The following HELZ variants were observed in gnomAD, a reference collection of about 807,000 sequenced individuals.
HELZ encodes the protein helicase with zinc finger, also known as ATP-dependent RNA helicase with zinc finger domain.
A neutral mutation model predicts 218.2 loss-of-function variants in HELZ; 23 were observed. That is an observed-to-expected ratio of 0.11 (90% CI 0.08 to 0.15). The LOEUF is 0.15. HELZ is among the 10% of genes least tolerant of loss of function. HELZ has a pLI of 1.00. For synonymous variants in HELZ, 814 were observed against 829.4 expected, an observed-to-expected ratio of 0.98 and a Z score of 0.32; for missense variants, 1,813 against 2,353.7, an observed-to-expected ratio of 0.77 and a Z score of 4.75.
At chr17:67,125,658 G>A in intron 24 of HELZ, among the ~76,000 whole-genome samples, 1 of 152,070 alleles carries the variant, frequency 6.6e-6, no homozygotes, top group East Asian at 1.9e-4. Flanking sequence ...AGTGTGGCAG[G>A]CAGAATAGCC....
At chr17:67,084,674 A>T (rs1188804206) in intron 32 of HELZ, among the ~76,000 whole-genome samples, 2 of 151,828 alleles carry the variant, frequency 1.3e-5, no homozygotes, top group Non-Finnish European at 2.9e-5. Context: ...AAAAAAAAAA[A>T]AAAGAAAGAA....
chr17:67,165,958 C>G (rs1296224265), intron 15 of HELZ, among the ~76,000 whole-genome samples: 1 of 152,050 alleles, frequency 6.6e-6, no homozygotes, highest in Non-Finnish European at 1.5e-5. Flanking sequence ...ACAGCAAGAA[C>G]CTTGTCTACA....
chr17:67,194,032 A>G lies in HELZ; in HGVS notation c.492T>C (p.Asn164=), dbSNP rs746962367. The G allele has an allele frequency of 3.1e-6, 5 of 1,612,008 alleles. No homozygotes were observed. The highest frequency in any genetic ancestry group is 2.2e-5 in the East Asian group (1 of 44,862). ...TAGGTGGTGGGCGGAAATGCCAACC[A>G]TTACAAGACCCTAGGGAGTAATTAG... ...HVEDLDEGSC[N]GWHFRPPPRG... Residue 164 remains asparagine (N), a synonymous_variant, in exon 9 of 33, where the codon AAT becomes AAC. Coordinates refer to ENST00000358691, the MANE Select transcript of HELZ (RefSeq NM_014877.4).
chr17:67,210,984 G>T (rs989709787), intron 5 of HELZ, among the ~76,000 whole-genome samples: 13 of 152,120 alleles, frequency 8.5e-5, no homozygotes, highest in African/African-American at 3.1e-4. Flanking sequence ...TTTCATCAAA[G>T]TTTTTGTGTT....
intron 30 of HELZ, 111 bp from the exon 31 acceptor site, chr17:67,107,796 C>A: frequency 1.1e-6 from 1 of 890,434 alleles, no homozygotes; most frequent in Non-Finnish European, 1.7e-6. Context: ...GTACTAATAA[C>A]TAGAACTGGC....
At chr17:67,194,094 T>A (rs756404757) in intron 8 of HELZ, 52 bp from the exon 9 acceptor site, 1 of 1,290,306 alleles carries the variant, frequency 7.8e-7, no homozygotes, top group South Asian at 1.2e-5. Flanking sequence ...CCAGTAATTC[T>A]GATATTTTAA....
intron 3 of HELZ, chr17:67,224,832 G>T: frequency 9.7e-7 from 1 of 1,029,284 alleles, no homozygotes; most frequent in Non-Finnish European, 1.5e-6. Context: ...TGTATGCCCA[G>T]GGAAAGCAGC....
At chr17:67,208,313 T>C (rs1464938783) in intron 5 of HELZ, among the ~76,000 whole-genome samples, 1 of 152,150 alleles carries the variant, frequency 6.6e-6, no homozygotes, top group Non-Finnish European at 1.5e-5. Flanking sequence ...TTCACGATGA[T>C]GGAGCAGTTC....
intron 31 of HELZ, among the ~76,000 whole-genome samples, chr17:67,104,576 T>C (rs1032919660): frequency 4.6e-5 from 7 of 151,882 alleles, no homozygotes; most frequent in Non-Finnish European, 8.8e-5. Context: ...TAGTTTAGCA[T>C]CAAAGGACAC....
At chr17:67,163,293 A>T (rs769567526) in intron 15 of HELZ, among the ~76,000 whole-genome samples, 2 of 152,226 alleles carry the variant, frequency 1.3e-5, no homozygotes, top group East Asian at 3.8e-4. Flanking sequence ...AAATCTGAGG[A>T]CTTTAATGAA....
rs767145430 is a variant in HELZ, at chr17:67,120,588, T to C, written c.3655A>G (p.Arg1219Gly). Residue 1219 changes from arginine (R) to glycine (G), a missense_variant, in exon 27 of 33, where the codon AGG (arginine) becomes GGG (glycine). By Grantham distance (125) the Arg-to-Gly change is moderately radical. Coordinates refer to ENST00000358691, the MANE Select transcript of HELZ (RefSeq NM_014877.4). ...LPVPWTGYQG[R>G]FAVDPRIITH... ...ATAATTCGAGGATCAACTGCAAACC[T>C]ACCCTGGTATCCTGTCCATGGTACC... 2.5e-6 allele frequency: 4 copies of C among 1,612,388 alleles called. No homozygotes were observed. The highest frequency in any genetic ancestry group is 2.7e-5 in the African/African-American group (2 of 74,896).
chr17:67,202,776 T>C (rs1429574291), intron 6 of HELZ, among the ~76,000 whole-genome samples: 1 of 152,234 alleles, frequency 6.6e-6, no homozygotes, highest in African/African-American at 2.4e-5. Flanking sequence ...TATTTTAAAG[T>C]ATCTACAATT....
In HELZ at chr17:67,217,213, T is replaced by C. The variant is rs554615910; in HGVS notation, c.211-1278A>G. Among the ~76,000 whole-genome samples, 24 of 152,308 alleles carry C rather than the reference T, an allele frequency of 1.6e-4. No individual in the cohort carries two copies. The East Asian group carries it at 4.2e-3, about 27-fold the overall frequency. ...CCCAGCTGTAGCCTTCTAACCTCAG[T>C]TGAAGGAAACATCATTCTTCCAATT... On this transcript the variant is annotated intron_variant, in intron 4 of 32. Coordinates refer to ENST00000358691, the MANE Select transcript of HELZ (RefSeq NM_014877.4).
intron 24 of HELZ, among the ~76,000 whole-genome samples, chr17:67,126,688 A>AC (rs1567822492): frequency 1.5e-4 from 23 of 149,962 alleles, no homozygotes; most frequent in African/African-American, 5.4e-4. Context: ...GTCCTGCTAA[A>AC]ACACACACAC....
At position 67,086,846 on chromosome 17, in the gene HELZ, T is replaced by G. The variant is rs1240888535; in HGVS notation, c.5477A>C (p.Gln1826Pro). The G allele has an allele frequency of 1.2e-6, 2 of 1,613,570 alleles. No individual in the cohort carries two copies. Among genetic ancestry groups the G allele is most frequent in the East Asian group, 4.5e-5 (2 of 44,854 alleles). ...TGTCTTACCTATCAACTCTCTGGGC[T>G]GAGCTGTCCTGCTGGATCCATTGCA... ...IPCNGSSRTA[Q>P]PRELIAPPKT... The change falls in exon 32 of 33, where the codon CAG becomes CCG. Residue 1826 changes from glutamine to proline, a missense_variant. Gln to Pro is a moderately conservative substitution (Grantham distance 76). Transcript: ENST00000358691.
chr17:67,105,407 T>C (rs1015332959), intron 31 of HELZ, among the ~76,000 whole-genome samples: 6 of 152,220 alleles, frequency 3.9e-5, no homozygotes, highest in African/African-American at 1.4e-4. Context: ...TTTTATGAAA[T>C]GTCTCCATAG....
chr17:67,174,553 C>T (rs983141478), intron 13 of HELZ, among the ~76,000 whole-genome samples: 7 of 152,182 alleles, frequency 4.6e-5, no homozygotes, highest in Non-Finnish European at 8.8e-5. Flanking sequence ...AATCCCAGCA[C>T]TTTGGTAGGC....
At position 67,168,023 on chromosome 17, in the gene HELZ, C is replaced by A. The variant is rs938813982; in HGVS notation, c.1431-227G>T. ...TTTGAGACGGAGTCTCACTCTGTCG[C>A]CTAGGCTGGAGTACAGTGGCACGAT... On this transcript the variant is annotated intron_variant, in intron 13 of 32. Coordinates refer to ENST00000358691, the MANE Select transcript of HELZ (RefSeq NM_014877.4). Among the ~76,000 whole-genome samples, 3 of 152,134 alleles carry A rather than the reference C, an allele frequency of 2.0e-5. No individual in the cohort carries two copies. The East Asian group carries it at 5.8e-4, about 29-fold the overall frequency.
chr17:67,125,341 T>TAC lies in HELZ; in HGVS notation c.3388-1328_3388-1327insGT, dbSNP rs1235785254. On this transcript the variant is annotated intron_variant, in intron 24 of 32. Transcript: ENST00000358691. ...ATATATATATATATATATATATATA[T>TAC]ATATACTTGTGAGGAATAGAGACGT... is the stretch of plus-strand genomic sequence containing the variant. Among the ~76,000 whole-genome samples, 14 of 67,308 alleles carry TAC rather than the reference T, an allele frequency of 2.1e-4. 1 individual carries two copies. The highest frequency in any genetic ancestry group is 5.5e-4 in the African/African-American group (9 of 16,236). 44.2% of individuals were successfully genotyped at this position (67,308 alleles called of 152,430 possible).
Sources: allele counts gnomAD v4.1 joint callset (sites outside exome capture counted in the v4.1 genomes callset), GRCh38; gene constraint gnomAD v4.1.1; transcripts MANE v1.5; gene names NCBI Gene and HGNC (gene_info 2026-07-23, HGNC 2026-07-21).